Variants in PDE7A observed in about 807,000 individuals in gnomAD.
The protein encoded by PDE7A is phosphodiesterase 7A, also known as high affinity 3',5'-cyclic-AMP phosphodiesterase 7A.
A neutral mutation model predicts 64.3 loss-of-function variants in PDE7A; 39 were observed. That is an observed-to-expected ratio of 0.61 (90% CI 0.47 to 0.79). The LOEUF (loss-of-function observed/expected upper bound fraction) is 0.79. PDE7A is among the 30% of genes least tolerant of loss of function. The probability of loss-of-function intolerance (pLI) is 0.00; values close to 1 mark genes in which losing one functional copy is unlikely to be tolerated. For synonymous variants in PDE7A, 203 were observed against 206.8 expected, an observed-to-expected ratio of 0.98 and a Z score of 0.16; for missense variants, 470 against 582.8, an observed-to-expected ratio of 0.81 and a Z score of 1.99.
At position 65,719,751 on chromosome 8, in the gene PDE7A, CCTT is replaced by C. The variant is rs1806295935; in HGVS notation, c.1244-259_1244-257del. 4 of 462,410 alleles carry C rather than the reference CCTT, an allele frequency of 8.7e-6. 1 individual carries two copies. The highest frequency in any genetic ancestry group is 1.6e-5 in the Non-Finnish European group (4 of 254,904). The allele number at this position is 462,410 out of a possible 1,614,324, so 28.6% of individuals were successfully genotyped here. A position where few individuals can be genotyped will look rare whatever the true frequency, so the allele number is the denominator to read the frequency against. On this transcript the variant is annotated intron_variant, in intron 12 of 12. Coordinates refer to ENST00000401827, the MANE Select transcript of PDE7A (RefSeq NM_001242318.3). ...AATATATCTAACCTTTTCTGGTTAT[CCTT>C]CTCAGTGGCACAACTACATTCTTCT...
At chr8:65,823,409 A>G (rs1445599737) in intron 1 of PDE7A, among the ~76,000 whole-genome samples, 1 of 152,172 alleles carries the variant, frequency 6.6e-6, no homozygotes, top group African/African-American at 2.4e-5. Context: ...AATCCCTTTA[A>G]ATGTTTGCAA....
At chr8:65,783,652 T>C (rs754001063) in intron 1 of PDE7A, among the ~76,000 whole-genome samples, 4 of 152,210 alleles carry the variant, frequency 2.6e-5, no homozygotes, top group Non-Finnish European at 5.9e-5. Flanking sequence ...TGTCTGCGTG[T>C]TACTAAAAGC....
chr8:65,837,253 C>T (rs79686994), intron 1 of PDE7A, among the ~76,000 whole-genome samples: 9,602 of 152,170 alleles, frequency 0.063, 381 homozygotes, highest in Middle Eastern at 0.11. Flanking sequence ...AGTTGAAAAA[C>T]GGTTGTGTAT....
At chr8:65,731,541 CTGACAACTATGAATGTTACCAGTG>C (rs1391380508) in intron 7 of PDE7A, 2 of 152,208 alleles carry the variant, frequency 1.3e-5, no homozygotes, top group Non-Finnish European at 2.9e-5. Flanking sequence ...ATCTCTTCAG[CTGACAACTATGAATGTTACCAGTG>C]TCAATCAATC....
chr8:65,762,033 C>A (rs1296724264), intron 3 of PDE7A, among the ~76,000 whole-genome samples: 1 of 152,160 alleles, frequency 6.6e-6, no homozygotes, highest in Non-Finnish European at 1.5e-5. Flanking sequence ...GAGAGGGAGC[C>A]CTGCAGCCAC....
chr8:65,745,525 T>C (rs1220039834), intron 4 of PDE7A, 55 bp from the exon 5 acceptor site: 6 of 950,910 alleles, frequency 6.3e-6, no homozygotes. Context: ...ACATTGTCTT[T>C]TGGAGATATT....
chr8:65,782,316 G>A (rs1458523563), intron 2 of PDE7A, among the ~76,000 whole-genome samples: 5 of 152,108 alleles, frequency 3.3e-5, no homozygotes, highest in East Asian at 1.9e-4. Flanking sequence ...TTTACCTTGC[G>A]GAATTGACTA....
At chr8:65,782,288 G>A (rs1018645047) in intron 2 of PDE7A, among the ~76,000 whole-genome samples, 2 of 152,098 alleles carry the variant, frequency 1.3e-5, no homozygotes, top group Non-Finnish European at 2.9e-5. Flanking sequence ...ACATATATAC[G>A]CACATATCTA....
intron 3 of PDE7A, among the ~76,000 whole-genome samples, chr8:65,764,062 A>G (rs1169797048): frequency 6.6e-6 from 1 of 152,254 alleles, no homozygotes; most frequent in Non-Finnish European, 1.5e-5. Flanking sequence ...AACTGCACAT[A>G]CATGGGGCAG....
At position 65,723,542 on chromosome 8, in the gene PDE7A, A is replaced by C. The variant is rs1313505303; in HGVS notation, c.1242T>G (p.Ile414Met). Residue 414 changes from isoleucine to methionine, a missense_variant and splice_region_variant, in exon 12 of 13, where the codon ATT (isoleucine) becomes ATG (methionine). By Grantham distance (10) the Ile-to-Met change is conservative. Coordinates refer to ENST00000401827, the MANE Select transcript of PDE7A (RefSeq NM_001242318.3). The stretch of plus-strand genomic sequence containing the variant: ...CTATATCTAAATATGTATAGTTACC[A>C]ATCTGGATGTTGGCAATAGATTCAG... ...RHTESIANIQ[I>M]GFMTYLVEPL... is the part of the protein sequence containing the mutation. 2 of 1,559,398 alleles carry C rather than the reference A, an allele frequency of 1.3e-6. No individual in the cohort carries two copies. Among genetic ancestry groups the C allele is most frequent in the Non-Finnish European group, 1.7e-6 (2 of 1,155,052 alleles).
At chr8:65,826,811 G>A (rs1810686979) in intron 1 of PDE7A, among the ~76,000 whole-genome samples, 1 of 152,142 alleles carries the variant, frequency 6.6e-6, no homozygotes, top group South Asian at 2.1e-4. Flanking sequence ...AAATCAAGGA[G>A]TCAGCAGGAC....
intron 11 of PDE7A, among the ~76,000 whole-genome samples, 166 bp downstream of exon 11, chr8:65,724,089 C>T (rs1253889495): frequency 6.6e-6 from 1 of 152,154 alleles, no homozygotes; most frequent in Non-Finnish European, 1.5e-5. Flanking sequence ...ATTTTCAAAA[C>T]AGATGCTCAA....
intron 1 of PDE7A, among the ~76,000 whole-genome samples, chr8:65,798,206 A>ATT (rs1554568896): frequency 0.055 from 4,030 of 73,722 alleles, 169 homozygotes; most frequent in Non-Finnish European, 0.079. Flanking sequence ...ATATATATAT[A>ATT]TTTTTTTTTT....
At chr8:65,790,079 T>C (rs1809660035) in intron 1 of PDE7A, among the ~76,000 whole-genome samples, 1 of 152,148 alleles carries the variant, frequency 6.6e-6, no homozygotes, top group Non-Finnish European at 1.5e-5. Flanking sequence ...GTGCAAGAAT[T>C]GTGAAGACAG....
At chr8:65,793,957 A>G (rs1205174959) in intron 1 of PDE7A, among the ~76,000 whole-genome samples, 1 of 152,216 alleles carries the variant, frequency 6.6e-6, no homozygotes, top group East Asian at 1.9e-4. Context: ...GCCTCTGTTC[A>G]GGGGCTTTTC....
Position 65,714,638 on chromosome 8 carries a change from A to G in PDE7A, c.*4652T>C, listed in dbSNP as rs534123506. The G allele has an allele frequency of 6.6e-6, 1 of 152,324 alleles. No individual in the cohort carries two copies. Among genetic ancestry groups the G allele is most frequent in the African/African-American group, 2.4e-5 (1 of 41,580 alleles). 9.4% of individuals were successfully genotyped at this position (152,324 alleles called of 1,614,324 possible). On this transcript the variant is annotated 3_prime_UTR_variant, in exon 13 of 13. Transcript: ENST00000401827. ...AAGCAATACTGAATTCCTATTAGCT[A>G]TTGGTCACTGTGTATTTTCTCAATC...
chr8:65,795,713 T>G (rs374920053), intron 1 of PDE7A, among the ~76,000 whole-genome samples: 1 of 152,268 alleles, frequency 6.6e-6, no homozygotes, highest in African/African-American at 2.4e-5. Context: ...ATCAGGTGGA[T>G]CTGCAAGTCA....
chr8:65,745,245 G>A (rs773784541), intron 5 of PDE7A, among the ~76,000 whole-genome samples, 162 bp downstream of exon 5: 4 of 152,120 alleles, frequency 2.6e-5, no homozygotes, highest in Admixed American at 6.5e-5. Flanking sequence ...ACCCAGTCTC[G>A]GGTATGTCTT....
intron 7 of PDE7A, chr8:65,728,703 CTA>C (rs1158102224): frequency 6.6e-6 from 1 of 152,122 alleles, no homozygotes; most frequent in Non-Finnish European, 1.5e-5. Flanking sequence ...GCATGGGTGT[CTA>C]TGTCTTATGA....
Sources: gnomAD v4.1 joint callset for allele counts (sites outside exome capture counted in the v4.1 genomes callset) on GRCh38, gnomAD v4.1.1 for gene constraint, MANE v1.5 for transcripts, NCBI Gene and HGNC (gene_info 2026-07-23, HGNC 2026-07-21) for gene names.